Variants in CALCB observed in about 807,000 individuals in gnomAD.
CALCB encodes calcitonin gene-related peptide 2.
Under a neutral mutation model 10.7 loss-of-function variants are expected in CALCB, and 8 were observed. The ratio of observed to expected loss-of-function variants is 0.75; its 90% CI spans 0.44 to 1.34. The LOEUF (loss-of-function observed/expected upper bound fraction) is 1.34, where lower values mean the gene tolerates loss of function less well. Ranked by LOEUF, CALCB falls within the 40% of genes most tolerant of loss-of-function variation. CALCB has a pLI of 0.01. For missense variants in CALCB, 176 were observed against 162.5 expected (o/e 1.08, Z -0.45); for synonymous variants, 76 against 66.9 (o/e 1.14, Z -0.66).
At chr11:15,076,028 A>T (rs549567154) in intron 3 of CALCB, among the ~76,000 whole-genome samples, 3 of 151,902 alleles carry the variant, frequency 2.0e-5, no homozygotes, top group Admixed American at 2.0e-4. Flanking sequence ...ACCTCTCCTA[A>T]TGGAGTGTGT....
At chr11:15,075,009 G>T in intron 2 of CALCB, 52 bp from the exon 3 acceptor site, 1 of 1,605,630 alleles carries the variant, frequency 6.2e-7, no homozygotes, top group Non-Finnish European at 8.5e-7. Context: ...CTATCCTGGG[G>T]AGGGTCAGTC....
rs745787922 is a variant in CALCB at position 15,074,687 on chromosome 11, G to A, written c.-9-23G>A. 3.5e-5 allele frequency: 56 copies of A among 1,583,746 alleles called. 1 individual carries two copies. The highest frequency in any genetic ancestry group is 2.2e-4 in the East Asian group (10 of 44,746). ...AACCTAGATCTGTGCTGGTGCAGTAGTAACGTCATCCTTCCTTTACAGAGA... is the reference window on the plus strand; with the variant it reads ...AACCTAGATCTGTGCTGGTGCAGTAATAACGTCATCCTTCCTTTACAGAGA... On this transcript the variant is annotated intron_variant, in intron 1 of 4. Coordinates refer to ENST00000324229, the MANE Select transcript of CALCB (RefSeq NM_000728.4).
chr11:15,077,011 C>T (rs116066392), intron 3 of CALCB, among the ~76,000 whole-genome samples: 276 of 152,254 alleles, frequency 1.8e-3, no homozygotes, highest in African/African-American at 6.4e-3. Context: ...GTCTGGGCCT[C>T]GTTGCCCACT....
In CALCB at chr11:15,076,059, C is replaced by T. The variant is rs535399256; in HGVS notation, c.224+861C>T. Among the ~76,000 whole-genome samples the T allele has an allele frequency of 5.3e-5, 8 of 152,294 alleles. No homozygotes were observed. In the South Asian group the frequency reaches 1.7e-3, roughly 32 times the overall value. ...TGTGTGTGAGCTGCCCTCCTGCCTG[C>T]CCCACCTGCTCCCACTCGACATGTC... On this transcript the variant is annotated intron_variant, in intron 3 of 4. Coordinates refer to ENST00000324229, the MANE Select transcript of CALCB (RefSeq NM_000728.4).
At chr11:15,074,590 G>T in intron 1 of CALCB, 120 bp from the exon 2 acceptor site, 1 of 702,060 alleles carries the variant, frequency 1.4e-6, no homozygotes, top group East Asian at 2.6e-5. Context: ...TGCAAATGAA[G>T]GGAACAGAGG....
At chr11:15,075,601 A>G (rs756562365) in intron 3 of CALCB, among the ~76,000 whole-genome samples, 91 of 152,278 alleles carry the variant, frequency 6.0e-4, no homozygotes, top group Admixed American at 3.5e-3. Context: ...AATAGACCCA[A>G]TATCTCAGAA....
intron 4 of CALCB, 101 bp downstream of exon 4, chr11:15,077,571 GTCCAGTTACATTGTTCC>G: frequency 8.3e-7 from 1 of 1,200,694 alleles, no homozygotes; most frequent in Non-Finnish European, 1.2e-6. Flanking sequence ...GGTTCCTTCT[GTCCAGTTACATTGTTCC>G]TCCTGAGGCA....
chr11:15,074,818 G>C lies in CALCB; in HGVS notation c.86+14G>C. ...GGCGCCATTCAGGTGAGACAGCCTG[G>C]AGCCAGAGGCGCCTTCTGCTCCCAC... On this transcript the variant is annotated intron_variant, in intron 2 of 4. Coordinates refer to ENST00000324229, the MANE Select transcript of CALCB (RefSeq NM_000728.4). 1.2e-6 allele frequency: 2 copies of C among 1,608,196 alleles called. No individual in the cohort carries two copies. Among genetic ancestry groups the C allele is most frequent in the South Asian group, 1.1e-5 (1 of 90,498 alleles).
chr11:15,077,210 CA>C, intron 3 of CALCB, 75 bp from the exon 4 acceptor site: 1 of 1,490,672 alleles, frequency 6.7e-7, no homozygotes, highest in Non-Finnish European at 9.2e-7. Context: ...CGAAGTGTTG[CA>C]GTTCTCTTCA....
intron 1 of CALCB, among the ~76,000 whole-genome samples, chr11:15,074,419 CTGTT>C (rs1184114891): frequency 1.3e-5 from 2 of 152,236 alleles, no homozygotes; most frequent in East Asian, 3.9e-4. Context: ...GCAGAAGTGT[CTGTT>C]TGTGTGCACG....
chr11:15,077,138 C>A, intron 3 of CALCB, 148 bp from the exon 4 acceptor site: 1 of 819,348 alleles, frequency 1.2e-6, no homozygotes. Context: ...ACTGCCAGGC[C>A]ATTTCCCCTA....
Position 15,075,236 on chromosome 11 carries a change from C to A in CALCB, c.224+38C>A, listed in dbSNP as rs769911838. On this transcript the variant is annotated intron_variant, in intron 3 of 4. Transcript: ENST00000324229. The stretch of plus-strand genomic sequence containing the variant: ...AAGCGCCCAGCACAGGGACTCCTCT[C>A]CCCGCAGCATACACAGGAAGGTGGA... 23 of 1,613,028 alleles carry A rather than the reference C, an allele frequency of 1.4e-5. No individual in the cohort carries two copies. In the Middle Eastern group the frequency reaches 2.2e-3, roughly 156 times the overall value.
chr11:15,074,947 C>G, intron 2 of CALCB, 114 bp from the exon 3 acceptor site: 1 of 1,440,702 alleles, frequency 6.9e-7, no homozygotes. Flanking sequence ...CCCTGGGAGT[C>G]GCGGTGGCCA....
At chr11:15,075,019 C>A in intron 2 of CALCB, 42 bp from the exon 3 acceptor site, 6 of 1,611,424 alleles carry the variant, frequency 3.7e-6, no homozygotes, top group Non-Finnish European at 5.1e-6. Flanking sequence ...GAGGGTCAGT[C>A]AGGGGCTCAC....
Position 15,077,381 on chromosome 11 carries a change from A to G in CALCB, c.320A>G (p.Asn107Ser). The G allele has an allele frequency of 6.2e-7, 1 of 1,614,244 alleles. No homozygotes were observed. Among genetic ancestry groups the G allele is most frequent in the South Asian group, 1.1e-5 (1 of 91,086 alleles). ...AGATCAGGGGGCATGGTGAAGAGCA[A>G]CTTCGTGCCCACCAATGTGGGTTCC... Reference protein sequence around the residue: ...LSRSGGMVKSNFVPTNVGSKA... With the variant: ...LSRSGGMVKSSFVPTNVGSKA... The change falls in exon 4 of 5, where the codon AAC (asparagine) becomes AGC (serine). Residue 107 changes from asparagine to serine, a missense_variant. Asn to Ser is a conservative substitution (Grantham distance 46, BLOSUM62 1). Coordinates refer to ENST00000324229, the MANE Select transcript of CALCB (RefSeq NM_000728.4).
At chr11:15,075,578 G>C (rs553397077) in intron 3 of CALCB, among the ~76,000 whole-genome samples, 1 of 152,180 alleles carries the variant, frequency 6.6e-6, no homozygotes, top group Admixed American at 6.5e-5. Context: ...AGACTGGTAA[G>C]GGTGAAGTCA....
chr11:15,074,754 C>T lies in CALCB; in HGVS notation c.36C>T (p.Leu12=), dbSNP rs759637036. ...GFRKFSPFLA[L]SILVLYQAGS... Reference sequence around the variant, plus strand: ...GGAAGTTCTCCCCCTTCCTGGCTCTCAGTATCTTGGTCCTGTACCAGGCGG... The same window carrying T: ...GGAAGTTCTCCCCCTTCCTGGCTCTTAGTATCTTGGTCCTGTACCAGGCGG... Residue 12 remains leucine (L), a synonymous_variant, in exon 2 of 5, where the codon CTC becomes CTT. Coordinates refer to ENST00000324229, the MANE Select transcript of CALCB (RefSeq NM_000728.4). 2 of 1,614,176 alleles carry T rather than the reference C, an allele frequency of 1.2e-6. No individual in the cohort carries two copies. The highest frequency in any genetic ancestry group is 1.7e-6 in the Non-Finnish European group (2 of 1,180,016).
chr11:15,074,522 C>A (rs1850376138), intron 1 of CALCB, among the ~76,000 whole-genome samples, 188 bp from the exon 2 acceptor site: 1 of 152,346 alleles, frequency 6.6e-6, no homozygotes, highest in East Asian at 1.9e-4. Context: ...CCTTTTTCCG[C>A]TCTATCAAGC....
At chr11:15,075,961 A>G (rs1275461472) in intron 3 of CALCB, among the ~76,000 whole-genome samples, 3 of 151,966 alleles carry the variant, frequency 2.0e-5, no homozygotes, top group Non-Finnish European at 4.4e-5. Context: ...ATACCAGAAA[A>G]GATCATCCTT....
Sources: allele counts gnomAD v4.1 joint callset (sites outside exome capture counted in the v4.1 genomes callset), GRCh38; gene constraint gnomAD v4.1.1; transcripts MANE v1.5; gene names NCBI Gene and HGNC (gene_info 2026-07-23, HGNC 2026-07-21).